The following KLF3 variants were observed in gnomAD, a reference collection of about 807,000 sequenced individuals.
KLF3 encodes the protein Krueppel-like factor 3.
Under a neutral mutation model 32.7 loss-of-function variants are expected in KLF3, and 6 were observed. The ratio of observed to expected loss-of-function variants is 0.18; its 90% CI spans 0.10 to 0.36. KLF3 has a LOEUF of 0.36. Ranked by LOEUF, KLF3 falls within the 10% of genes least tolerant of loss-of-function variation. The probability of loss-of-function intolerance (pLI) is 1.00; values close to 1 mark genes in which losing one functional copy is unlikely to be tolerated. For synonymous variants in KLF3, 145 were observed against 172.8 expected, an observed-to-expected ratio of 0.84 and a Z score of 1.26; for missense variants, 338 against 449.7, an observed-to-expected ratio of 0.75 and a Z score of 2.25.
rs59925041 is a variant in KLF3 at position 38,674,954 on chromosome 4, CTG to C, written c.-39-5623_-39-5622del. On this transcript the variant is annotated intron_variant, in intron 1 of 5. Coordinates refer to ENST00000261438, the MANE Select transcript of KLF3 (RefSeq NM_016531.6). This position sits in a 1 kb window ranked among gnomAD's most constrained non-coding sequence, Gnocchi z 4.1. Reference sequence around the variant, plus strand: ...CCCTAACCTCGTCTTCCATGAAGGACTGTGTGTGTGTTTCTAAGCCCTGCAGC... The same window carrying C: ...CCCTAACCTCGTCTTCCATGAAGGACTGTGTGTGTTTCTAAGCCCTGCAGC... Among the ~76,000 whole-genome samples, 3 of 152,176 alleles carry C rather than the reference CTG, an allele frequency of 2.0e-5. No homozygotes were observed. Among genetic ancestry groups the C allele is most frequent in the Admixed American group, 2.0e-4 (3 of 15,270 alleles).
At position 38,688,882 on chromosome 4, in the gene KLF3, G is replaced by A. The variant is rs745389848; in HGVS notation, c.355G>A (p.Val119Met). 30 of 1,614,050 alleles carry A rather than the reference G, an allele frequency of 1.9e-5. No individual in the cohort carries two copies. In the South Asian group the frequency reaches 2.5e-4, roughly 14 times the overall value. Residue 119 changes from valine to methionine, a missense_variant, in exon 3 of 6, where the codon GTG (valine) becomes ATG (methionine). This residue lies in a region of KLF3 where 272 missense variants were observed against 313.4 expected (regional missense o/e 0.87). Coordinates refer to ENST00000261438, the MANE Select transcript of KLF3 (RefSeq NM_016531.6). The surrounding 1 kb of genome is among the most constrained non-coding windows in gnomAD (Gnocchi z 4.9). Reference sequence around the variant, plus strand: ...TTCTCCAGGCGTGCAGCCCTTCGGCGTGCCGCTGTCCATGCCACCAGTGAT... The same window carrying A: ...TTCTCCAGGCGTGCAGCCCTTCGGCATGCCGCTGTCCATGCCACCAGTGAT... ...PPSPGVQPFG[V>M]PLSMPPVMAA...
chr4:38,688,722 G>A lies in KLF3; in HGVS notation c.195G>A (p.Thr65=), dbSNP rs373502495. The change falls in exon 3 of 6, where the codon ACG becomes ACA. Residue 65 remains threonine, a synonymous_variant. Coordinates refer to ENST00000261438, the MANE Select transcript of KLF3 (RefSeq NM_016531.6). The surrounding 1 kb of genome is among the most constrained non-coding windows in gnomAD (Gnocchi z 4.9). ...TACAGATGGAGCCAGTGGACCTCAC[G>A]GTGAACAAGCGGAGTTCACCCCCTT... is the stretch of plus-strand genomic sequence containing the variant. ...HGIQMEPVDL[T]VNKRSSPPSA... The A allele has an allele frequency of 4.3e-5, 69 of 1,614,022 alleles. No individual in the cohort carries two copies. The highest frequency in any genetic ancestry group is 1.7e-4 in the Admixed American group (10 of 59,998).
At chr4:38,669,607 C>T (rs1008276664) in intron 1 of KLF3, among the ~76,000 whole-genome samples, 24 of 152,136 alleles carry the variant, frequency 1.6e-4, no homozygotes, top group African/African-American at 5.1e-4. Flanking sequence ...AAAATAGTGT[C>T]CTCGGCCGGG....
Position 38,694,811 on chromosome 4 carries a change from A to G in KLF3, c.761A>G (p.Gln254Arg). 1 of 1,607,588 alleles carries G rather than the reference A, an allele frequency of 6.2e-7. No individual in the cohort carries two copies. Among genetic ancestry groups the G allele is most frequent in the Non-Finnish European group, 8.5e-7 (1 of 1,177,868 alleles). The change falls in exon 5 of 6, where the codon CAA becomes CGA. Residue 254 changes from glutamine (Q) to arginine (R), a missense_variant. Gln to Arg is a conservative substitution (Grantham distance 43, BLOSUM62 1). Coordinates refer to ENST00000261438, the MANE Select transcript of KLF3 (RefSeq NM_016531.6). ...RPLPVESPDTQRKRRIHRCDY... is the reference protein window; with the variant it reads ...RPLPVESPDTRRKRRIHRCDY... Reference sequence around the variant, plus strand: ...TTACCTGTGGAATCCCCGGATACTCAAAGGAAGCGGAGGATACACAGATGT... The same window carrying G: ...TTACCTGTGGAATCCCCGGATACTCGAAGGAAGCGGAGGATACACAGATGT...
At chr4:38,693,872 C>G (rs1430313399) in intron 4 of KLF3, among the ~76,000 whole-genome samples, 1 of 152,060 alleles carries the variant, frequency 6.6e-6, no homozygotes. Flanking sequence ...CACCTTCTTG[C>G]TGAAAAAAAG....
At chr4:38,678,820 G>A (rs902726249) in intron 1 of KLF3, among the ~76,000 whole-genome samples, 15 of 152,140 alleles carry the variant, frequency 9.9e-5, no homozygotes, top group African/African-American at 3.6e-4. Flanking sequence ...TGTTCACTTT[G>A]CCACTCAAAC....
At chr4:38,673,689 C>T (rs1455599588) in intron 1 of KLF3, among the ~76,000 whole-genome samples, 1 of 152,124 alleles carries the variant, frequency 6.6e-6, no homozygotes. Context: ...CCGCCCCCAG[C>T]CCTGCTTTGC....
rs530152589 is a variant in KLF3 at position 38,689,619 on chromosome 4, G to A, written c.545-110G>A. ...TTGTTCCTGCTATAGTCTGCCAAAG[G>A]CAAATAAACCTGTCATATCTGTGTT... On this transcript the variant is annotated intron_variant, in intron 3 of 5. Transcript: ENST00000261438. The A allele has an allele frequency of 3.9e-6, 3 of 761,008 alleles. No individual in the cohort carries two copies. The South Asian group carries it at 5.8e-5, about 15-fold the overall frequency. The allele number at this position is 761,008 out of a possible 1,614,324, so 47.1% of individuals were successfully genotyped here.
chr4:38,671,657 T>G lies in KLF3; in HGVS notation c.-40+7196T>G, dbSNP rs1345094191. ...TAAGTCAGACTACCTTGGGTTCAAG[T>G]CCTGGCTCTACGAGTTAGCAGCTGT... On this transcript the variant is annotated intron_variant, in intron 1 of 5. Transcript: ENST00000261438. This position sits in a 1 kb window ranked among gnomAD's most constrained non-coding sequence, Gnocchi z 4.4. Among the ~76,000 whole-genome samples, 1 of 152,184 alleles carries G rather than the reference T, an allele frequency of 6.6e-6. No individual in the cohort carries two copies. Among genetic ancestry groups the G allele is most frequent in the Non-Finnish European group, 1.5e-5 (1 of 68,032 alleles).
chr4:38,684,015 C>T (rs1192029321), intron 2 of KLF3, among the ~76,000 whole-genome samples: 1 of 152,166 alleles, frequency 6.6e-6, no homozygotes, highest in Non-Finnish European at 1.5e-5. Context: ...GGAACCCTCT[C>T]TTGGATGAAG....
chr4:38,667,051 T>G (rs1722066356), intron 1 of KLF3, among the ~76,000 whole-genome samples: 1 of 152,206 alleles, frequency 6.6e-6, no homozygotes, highest in South Asian at 2.1e-4. Flanking sequence ...CACATTTCAC[T>G]TATGATGTTT....
intron 1 of KLF3, among the ~76,000 whole-genome samples, chr4:38,665,394 C>G (rs1722000441): frequency 6.6e-6 from 1 of 152,162 alleles, no homozygotes. Flanking sequence ...CAGATGAGAT[C>G]TGGAATTGTC....
chr4:38,694,802 C>T lies in KLF3; in HGVS notation c.752C>T (p.Pro251Leu), dbSNP rs920094929. ...AAGAGACCTTTACCTGTGGAATCCC[C>T]GGATACTCAAAGGAAGCGGAGGATA... Reference protein sequence around the residue: ...PGKRPLPVESPDTQRKRRIHR... With the variant: ...PGKRPLPVESLDTQRKRRIHR... Residue 251 changes from proline to leucine, a missense_variant, in exon 5 of 6, where the codon CCG becomes CTG. By Grantham distance (98) the Pro-to-Leu change is moderately conservative. Coordinates refer to ENST00000261438, the MANE Select transcript of KLF3 (RefSeq NM_016531.6). 11 of 1,605,212 alleles carry T rather than the reference C, an allele frequency of 6.9e-6. No homozygotes were observed. Among genetic ancestry groups the T allele is most frequent in the East Asian group, 2.3e-5 (1 of 44,322 alleles).
At position 38,694,754 on chromosome 4, in the gene KLF3, C is replaced by T; in HGVS notation, c.704C>T (p.Pro235Leu). 4.5e-6 allele frequency: 7 copies of T among 1,565,198 alleles called. No homozygotes were observed. The highest frequency in any genetic ancestry group is 6.0e-6 in the Non-Finnish European group (7 of 1,163,782). Residue 235 changes from proline (P) to leucine (L), a missense_variant, in exon 5 of 6, where the codon CCT (proline) becomes CTT (leucine). This residue lies in a region of KLF3 where 272 missense variants were observed against 313.4 expected (regional missense o/e 0.87). Coordinates refer to ENST00000261438, the MANE Select transcript of KLF3 (RefSeq NM_016531.6). ...PPQALLQENH[P>L]SVIVQPGKRP... is the part of the protein sequence containing the mutation. ...AACCTTGGCTTTCACAGGAATCACCCTTCGGTCATCGTGCAGCCTGGGAAG... is the reference window on the plus strand; with the variant it reads ...AACCTTGGCTTTCACAGGAATCACCTTTCGGTCATCGTGCAGCCTGGGAAG...
rs1472251599 is a variant in KLF3 at position 38,700,017 on chromosome 4, A to AACATGAAG, written c.*2754_*2755insACATGAAG. On this transcript the variant is annotated 3_prime_UTR_variant, in exon 6 of 6. Coordinates refer to ENST00000261438, the MANE Select transcript of KLF3 (RefSeq NM_016531.6). ...AATGATTTGTAAACATGAAGTTACT[A>AACATGAAG]TTACGTAAATTCTGTTTGTTATAGA... The AACATGAAG allele has an allele frequency of 4.6e-5, 7 of 152,352 alleles. No homozygotes were observed. In the East Asian group the frequency reaches 1.3e-3, roughly 29 times the overall value. 9.4% of individuals were successfully genotyped at this position (152,352 alleles called of 1,614,324 possible).
chr4:38,676,777 T>C (rs948867835), intron 1 of KLF3, among the ~76,000 whole-genome samples: 1 of 152,126 alleles, frequency 6.6e-6, no homozygotes, highest in Non-Finnish European at 1.5e-5. Context: ...GTTAGGAATT[T>C]CAAAAATAGG....
rs113195487 is a variant in KLF3 at position 38,686,262 on chromosome 4, T to C, written c.58-2323T>C. On this transcript the variant is annotated intron_variant, in intron 2 of 5. Transcript: ENST00000261438. ...GAGTACGAGACCAGCCTGGACAACATGACAAAACCCAGTCTCTACAAAAAA... is the reference window on the plus strand; with the variant it reads ...GAGTACGAGACCAGCCTGGACAACACGACAAAACCCAGTCTCTACAAAAAA... Among the ~76,000 whole-genome samples the C allele has an allele frequency of 1.1e-3, 174 of 151,908 alleles. 1 individual carries two copies. Among genetic ancestry groups the C allele is most frequent in the African/African-American group, 3.9e-3 (163 of 41,436 alleles).
chr4:38,683,442 C>T (rs544066477), intron 2 of KLF3, among the ~76,000 whole-genome samples: 111 of 152,170 alleles, frequency 7.3e-4, no homozygotes, highest in African/African-American at 2.4e-3. Flanking sequence ...TTGGGGTCAC[C>T]CTGTTAAAAT....
At chr4:38,669,171 T>C (rs1376523046) in intron 1 of KLF3, among the ~76,000 whole-genome samples, 1 of 152,232 alleles carries the variant, frequency 6.6e-6, no homozygotes, top group Non-Finnish European at 1.5e-5. Context: ...AATTACATTA[T>C]TCTGGAACTT....
Sources: gnomAD v4.1 joint callset for allele counts (sites outside exome capture counted in the v4.1 genomes callset) on GRCh38, gnomAD v4.1.1 for gene constraint, gnomAD v4.1.1 regional missense constraint, Gnocchi (gnomAD v3.1) non-coding constraint, MANE v1.5 for transcripts, NCBI Gene and HGNC (gene_info 2026-07-23, HGNC 2026-07-21) for gene names.